SHISA9: variants seen among roughly 807,000 people sequenced by gnomAD.
SHISA9 encodes shisa family member 9.
Under a neutral mutation model 38.0 loss-of-function variants are expected in SHISA9, and 13 were observed. The ratio of observed to expected loss-of-function variants is 0.34; its 90% CI spans 0.22 to 0.54. The LOEUF is 0.54. SHISA9 is among the 20% of genes least tolerant of loss of function. The pLI is 0.91. For missense variants in SHISA9, 538 were observed against 575.8 expected, an observed-to-expected ratio of 0.93 and a Z score of 0.67; for synonymous variants, 275 against 242.0, an observed-to-expected ratio of 1.14 and a Z score of -1.27.
chr16:13,153,605 G>A (rs2050518218), intron 2 of SHISA9, among the ~76,000 whole-genome samples: 1 of 152,106 alleles, frequency 6.6e-6, no homozygotes, highest in Non-Finnish European at 1.5e-5. Context: ...TTCAGAAAAG[G>A]CAAAAGCATG....
chr16:13,157,778 C>G (rs1390849309), intron 2 of SHISA9, among the ~76,000 whole-genome samples: 1 of 152,186 alleles, frequency 6.6e-6, no homozygotes, highest in Admixed American at 6.5e-5. Flanking sequence ...CTGCCAGCCC[C>G]CAATCCGGAG....
At chr16:13,307,957 G>A in the SHISA9 span, among the ~76,000 whole-genome samples, 12 of 152,148 alleles carry the variant, frequency 7.9e-5, no homozygotes, top group Non-Finnish European at 1.2e-4. Context: ...ATGAACTTGC[G>A]TTCACAAATC....
At chr16:13,004,943 G>GAAAAAAAAAAAAAAAAAAAA (rs59694628) in intron 2 of SHISA9, among the ~76,000 whole-genome samples, 5 of 103,754 alleles carry the variant, frequency 4.8e-5, no homozygotes, top group African/African-American at 1.5e-4. Flanking sequence ...TTAAGAAAAA[G>GAAAAAAAAAAAAAAAAAAAA]AAAAAAAAAA....
At chr16:13,328,591 T>TATAC in the SHISA9 span, among the ~76,000 whole-genome samples, 54 of 139,962 alleles carry the variant, frequency 3.9e-4, no homozygotes, top group African/African-American at 1.4e-3. Flanking sequence ...TATATGTGTA[T>TATAC]ACACACACAC....
chr16:13,309,179 C>T, the SHISA9 span, among the ~76,000 whole-genome samples: 1 of 151,930 alleles, frequency 6.6e-6, no homozygotes, highest in South Asian at 2.1e-4. Context: ...AGTTAATATG[C>T]TGGGGGGCCA....
the SHISA9 span, among the ~76,000 whole-genome samples, chr16:13,454,116 G>C: frequency 2.0e-5 from 3 of 152,202 alleles, no homozygotes; most frequent in Non-Finnish European, 2.9e-5. Flanking sequence ...TGGGCTAGCT[G>C]TAAGGAGATG....
chr16:13,418,555 T>C, the SHISA9 span, among the ~76,000 whole-genome samples: 1 of 152,168 alleles, frequency 6.6e-6, no homozygotes, highest in Non-Finnish European at 1.5e-5. Context: ...CCACATGGAC[T>C]TCCCCCCAGT....
At chr16:13,529,709 C>G in the SHISA9 span, among the ~76,000 whole-genome samples, 1 of 152,140 alleles carries the variant, frequency 6.6e-6, no homozygotes, top group African/African-American at 2.4e-5. Flanking sequence ...CTTTGTTAAA[C>G]AGAAAAAACA....
At chr16:13,115,766 A>T (rs2074025637) in intron 2 of SHISA9, among the ~76,000 whole-genome samples, 1 of 152,202 alleles carries the variant, frequency 6.6e-6, no homozygotes, top group Admixed American at 6.5e-5. Context: ...TAAGCCCATT[A>T]TACTGGTTCA....
the SHISA9 span, among the ~76,000 whole-genome samples, chr16:13,498,222 T>G: frequency 6.6e-6 from 1 of 152,118 alleles, no homozygotes; most frequent in South Asian, 2.1e-4. Context: ...AAAAATCAGT[T>G]TCATTATTAT....
chr16:13,277,262 C>G, the SHISA9 span, among the ~76,000 whole-genome samples: 1 of 151,974 alleles, frequency 6.6e-6, no homozygotes, highest in African/African-American at 2.4e-5. Flanking sequence ...CTATTCTGTT[C>G]CATTGGTCTA....
intron 2 of SHISA9, among the ~76,000 whole-genome samples, chr16:13,175,061 C>T (rs574484864): frequency 7.9e-5 from 12 of 152,188 alleles, no homozygotes; most frequent in African/African-American, 1.9e-4. Context: ...CTTCACTTTC[C>T]GTCTTTTAAA....
chr16:13,066,984 G>C (rs769689681), intron 2 of SHISA9, among the ~76,000 whole-genome samples: 10 of 152,052 alleles, frequency 6.6e-5, no homozygotes, highest in Non-Finnish European at 1.5e-4. Flanking sequence ...GTATTGGGCT[G>C]GAGTATCATC....
At chr16:13,008,930 A>G (rs1049476807) in intron 2 of SHISA9, among the ~76,000 whole-genome samples, 5 of 152,020 alleles carry the variant, frequency 3.3e-5, no homozygotes, top group African/African-American at 9.7e-5. Context: ...TATCCATAAA[A>G]CAGTAGGTGG....
chr16:13,559,532 C>T, the SHISA9 span, among the ~76,000 whole-genome samples: 1 of 151,958 alleles, frequency 6.6e-6, no homozygotes, highest in Non-Finnish European at 1.5e-5. Flanking sequence ...CATGTGACAC[C>T]ATGTCTGGCT....
chr16:13,472,378 T>G, the SHISA9 span, among the ~76,000 whole-genome samples: 787 of 22,152 alleles, frequency 0.036, 9 homozygotes, highest in Non-Finnish European at 0.048. Context: ...CTCTGCTAAA[T>G]TTTTTTTTTT....
At chr16:13,154,758 G>A (rs535845130) in intron 2 of SHISA9, among the ~76,000 whole-genome samples, 4 of 152,300 alleles carry the variant, frequency 2.6e-5, no homozygotes, top group East Asian at 1.9e-4. Flanking sequence ...TTGGTTTCTC[G>A]TTCATGATCC....
At chr16:13,345,439 T>C in the SHISA9 span, among the ~76,000 whole-genome samples, 1 of 152,168 alleles carries the variant, frequency 6.6e-6, no homozygotes, top group Non-Finnish European at 1.5e-5. Flanking sequence ...CATAATTATG[T>C]TCTTTTTTTA....
intron 2 of SHISA9, among the ~76,000 whole-genome samples, chr16:13,105,043 G>A (rs2073913158): frequency 6.6e-6 from 1 of 152,066 alleles, no homozygotes; most frequent in South Asian, 2.1e-4. Flanking sequence ...ATTGAAACTG[G>A]TTAAAGCTTG....
Sources: gnomAD v4.1 joint callset for allele counts (sites outside exome capture counted in the v4.1 genomes callset) on GRCh38, gnomAD v4.1.1 for gene constraint, MANE v1.5 for transcripts, NCBI Gene and HGNC (gene_info 2026-07-23, HGNC 2026-07-21) for gene names.